TMEM25: variants seen among roughly 807,000 people sequenced by gnomAD.
TMEM25 encodes the protein 0610039J01Rik.
TMEM25 carries 36 observed loss-of-function variants against 37.0 expected under a neutral mutation model. That is an observed-to-expected ratio of 0.97 (90% CI 0.75 to 1.28). The LOEUF is 1.28. TMEM25 is among the 50% of genes most tolerant of loss of function. The pLI is 0.00. For missense variants in TMEM25, 444 were observed against 477.9 expected, an observed-to-expected ratio of 0.93 and a Z score of 0.66; for synonymous variants, 197 against 203.7, an observed-to-expected ratio of 0.97 and a Z score of 0.28.
At position 118,544,962 on chromosome 11, in the gene TMEM25, T is replaced by C. The variant is rs376402259; in HGVS notation, c.1028-1157T>C. The C allele has an allele frequency of 6.1e-5, 98 of 1,613,770 alleles. No individual in the cohort carries two copies. Among genetic ancestry groups the C allele is most frequent in the Non-Finnish European group, 7.7e-5 (91 of 1,179,922 alleles). On this transcript the variant is annotated intron_variant, in intron 8 of 8. Coordinates refer to the TMEM25 transcript ENST00000354284. ...CATGTCTCCAGCTTGGGAGGTGGAATTGGATGAAGGAGTGAATGCTTTCTT... is the reference window on the plus strand; with the variant it reads ...CATGTCTCCAGCTTGGGAGGTGGAACTGGATGAAGGAGTGAATGCTTTCTT...
intron 8 of TMEM25, chr11:118,545,292 G>A (rs782718690): frequency 8.9e-5 from 74 of 828,132 alleles, no homozygotes; most frequent in Admixed American, 1.3e-4. Context: ...AAAGGGCGAA[G>A]GTAACTGGGC....
chr11:118,541,200 T>C (rs963141224), intron 8 of TMEM25, among the ~76,000 whole-genome samples: 2 of 152,116 alleles, frequency 1.3e-5, no homozygotes, highest in South Asian at 2.1e-4. Context: ...CCGTGGCTCA[T>C]GCCTGTAATC....
intron 8 of TMEM25, chr11:118,545,607 G>A (rs1449090288): frequency 5.5e-6 from 6 of 1,091,170 alleles, no homozygotes; most frequent in Non-Finnish European, 8.3e-6. Flanking sequence ...ATGACTTTGG[G>A]GGTTAAATAC....
Position 118,535,179 on chromosome 11 carries a change from T to G in TMEM25, c.*599T>G, listed in dbSNP as rs1200498011. ...ACACGTCTCTGCCCTTCACTTCTTC[T>G]CTTCTGTCCCCACCTCCTCTTGGGA... On this transcript the variant is annotated 3_prime_UTR_variant, in exon 9 of 9. Transcript: ENST00000313236. 1 of 1,058,794 alleles carries G rather than the reference T, an allele frequency of 9.4e-7. No homozygotes were observed. Among genetic ancestry groups the G allele is most frequent in the Non-Finnish European group, 1.1e-6 (1 of 877,750 alleles). 65.6% of individuals were successfully genotyped at this position (1,058,794 alleles called of 1,614,324 possible). A position where few individuals can be genotyped will look rare whatever the true frequency, so the allele number is the denominator to read the frequency against.
chr11:118,533,607 G>C (rs1267318802), intron 5 of TMEM25, 56 bp downstream of exon 5: 4 of 1,611,278 alleles, frequency 2.5e-6, no homozygotes, highest in Non-Finnish European at 2.5e-6. Flanking sequence ...CAGCAGCCAA[G>C]ACAGCAAGTG....
At chr11:118,536,878 C>T (rs150460413), downstream of TMEM25, among the ~76,000 whole-genome samples, 53 of 152,194 alleles carry the variant, frequency 3.5e-4, no homozygotes, top group African/African-American at 9.6e-4. Context: ...ACAGAGAGAG[C>T]GCAAGAGAGC....
At chr11:118,545,837 G>A (rs1555066985) in intron 8 of TMEM25, 3 of 1,614,048 alleles carry the variant, frequency 1.9e-6, no homozygotes, top group Non-Finnish European at 2.5e-6. Context: ...ATCAATCTCT[G>A]CCGTGGGCAG....
Position 118,534,743 on chromosome 11 carries a change from T to G in TMEM25, c.*163T>G. 6.9e-7 allele frequency: 1 copy of G among 1,444,112 alleles called. No homozygotes were observed. Among genetic ancestry groups the G allele is most frequent in the Non-Finnish European group, 9.1e-7 (1 of 1,098,708 alleles). The allele number at this position is 1,444,112 out of a possible 1,614,324, so 89.5% of individuals were successfully genotyped here. A position where few individuals can be genotyped will look rare whatever the true frequency, so the allele number is the denominator to read the frequency against. On this transcript the variant is annotated 3_prime_UTR_variant, in exon 9 of 9. Transcript: ENST00000313236. The surrounding 1 kb of genome is among the most constrained non-coding windows in gnomAD (Gnocchi z 4.6). ...CCTCCATGTCATGCACGTGATGCAT[T>G]TCACTGGGCTGTAACCCGCAGGGGC... is the stretch of plus-strand genomic sequence containing the variant.
intron 8 of TMEM25, chr11:118,545,752 C>CT (rs782539903): frequency 7.0e-5 from 111 of 1,591,788 alleles, no homozygotes; most frequent in South Asian, 1.1e-5. Context: ...TAGAGTGTCT[C>CT]TATCCAGAGA....
At chr11:118,537,553 C>T (rs1481999033), downstream of TMEM25, among the ~76,000 whole-genome samples, 1 of 152,186 alleles carries the variant, frequency 6.6e-6, no homozygotes, top group Non-Finnish European at 1.5e-5. Flanking sequence ...TTTTGTTTAT[C>T]CCACATTTTC....
chr11:118,534,155 C>T lies in TMEM25; in HGVS notation c.937+26C>T. On this transcript the variant is annotated intron_variant, in intron 7 of 8. Coordinates refer to ENST00000313236, the MANE Select transcript of TMEM25 (RefSeq NM_032780.4). This position sits in a 1 kb window ranked among gnomAD's most constrained non-coding sequence, Gnocchi z 4.6. ...GTATATCTAGGGCCCTGCTCTTTGC[C>T]CCTGCTTAATCTCCAGAAGTGCTTC... 1 of 1,613,564 alleles carries T rather than the reference C, an allele frequency of 6.2e-7. No individual in the cohort carries two copies. The highest frequency in any genetic ancestry group is 8.5e-7 in the Non-Finnish European group (1 of 1,179,530).
At chr11:118,532,503 C>T in intron 3 of TMEM25, 42 bp downstream of exon 3, 2 of 1,565,290 alleles carry the variant, frequency 1.3e-6, no homozygotes, top group Non-Finnish European at 1.7e-6. Context: ...GTTCTTTGCC[C>T]AGGGACCCCC....
Position 118,532,449 on chromosome 11 carries a change from C to T in TMEM25, c.370C>T (p.Leu124Phe), listed in dbSNP as rs1555059666. ...CCGATCAGCCAACGCCTCTGTCATC[C>T]TTAATGTGCAATGTGAGTGGCCCTG... ...SGRSANASVI[L>F]NVQFKPEIAQ... The change falls in exon 3 of 9, where the codon CTT becomes TTT. Residue 124 changes from leucine to phenylalanine, a missense_variant. Coordinates refer to ENST00000313236, the MANE Select transcript of TMEM25 (RefSeq NM_032780.4). The T allele has an allele frequency of 6.2e-7, 1 of 1,612,118 alleles. No homozygotes were observed. The highest frequency in any genetic ancestry group is 1.1e-5 in the South Asian group (1 of 90,882).
chr11:118,532,760 C>A, intron 3 of TMEM25, 157 bp from the exon 4 acceptor site: 1 of 1,090,250 alleles, frequency 9.2e-7, no homozygotes, highest in Non-Finnish European at 1.3e-6. Context: ...CATAATCACT[C>A]CGAAATGCTG....
downstream of TMEM25, among the ~76,000 whole-genome samples, chr11:118,537,339 CA>C (rs565780757): frequency 8.7e-4 from 124 of 142,054 alleles, no homozygotes; most frequent in Middle Eastern, 3.6e-3. Context: ...AGACTCCGTC[CA>C]AAAAAAAAAA....
At position 118,534,571 on chromosome 11, in the gene TMEM25, C is replaced by T. The variant is rs369490411; in HGVS notation, c.1092C>T (p.Ile364=). The T allele has an allele frequency of 5.0e-6, 8 of 1,614,056 alleles. No homozygotes were observed. Among genetic ancestry groups the T allele is most frequent in the Non-Finnish European group, 6.8e-6 (8 of 1,180,012 alleles). ...YRVSSVSSDE[I]WL ...TGTCCAGCGTGAGCAGTGATGAGAT[C>T]TGGCTCTGAGCCGAGGGCGAGACAG... The change falls in exon 9 of 9, where the codon ATC becomes ATT. Residue 364 remains isoleucine (I), a synonymous_variant. Transcript: ENST00000313236. This position sits in a 1 kb window ranked among gnomAD's most constrained non-coding sequence, Gnocchi z 4.6.
Position 118,535,117 on chromosome 11 carries a change from A to T in TMEM25, c.*537A>T. The T allele has an allele frequency of 9.8e-7, 1 of 1,018,978 alleles. No individual in the cohort carries two copies. The highest frequency in any genetic ancestry group is 1.2e-6 in the Non-Finnish European group (1 of 851,638). The allele number at this position is 1,018,978 out of a possible 1,614,324, so 63.1% of individuals were successfully genotyped here. A position where few individuals can be genotyped will look rare whatever the true frequency, so the allele number is the denominator to read the frequency against. Reference sequence around the variant, plus strand: ...TTGCACAGAAACCAACCCCTGACCCAGCGGTACCGGCCAAGCACAAACGTC... The same window carrying T: ...TTGCACAGAAACCAACCCCTGACCCTGCGGTACCGGCCAAGCACAAACGTC... On this transcript the variant is annotated 3_prime_UTR_variant, in exon 9 of 9. Transcript: ENST00000313236.
rs782668188 is a variant in TMEM25, at chr11:118,534,536, A to G, written c.1057A>G (p.Ile353Val). ...CATCCGCCTCCCAGTGCTGGGCTAT[A>G]TCTATCGAGTGTCCAGCGTGAGCAG... ...GFIRLPVLGYIYRVSSVSSDE... is the reference protein window; with the variant it reads ...GFIRLPVLGYVYRVSSVSSDE... Residue 353 changes from isoleucine to valine, a missense_variant, in exon 9 of 9, where the codon ATC (isoleucine) becomes GTC (valine). Ile to Val is a conservative substitution (Grantham distance 29). Transcript: ENST00000313236. This position sits in a 1 kb window ranked among gnomAD's most constrained non-coding sequence, Gnocchi z 4.6. The G allele has an allele frequency of 6.8e-6, 11 of 1,614,044 alleles. No homozygotes were observed. The East Asian group carries it at 2.2e-4, about 33-fold the overall frequency.
chr11:118,531,592 T>C, intron 1 of TMEM25, 183 bp from the exon 2 acceptor site: 1 of 583,372 alleles, frequency 1.7e-6, no homozygotes, highest in Non-Finnish European at 3.1e-6. Flanking sequence ...GATGTCCATG[T>C]GTCTGCTGGG....
Sources: gnomAD v4.1 joint callset for allele counts (sites outside exome capture counted in the v4.1 genomes callset) on GRCh38, gnomAD v4.1.1 for gene constraint, Gnocchi (gnomAD v3.1) non-coding constraint, MANE v1.5 for transcripts, NCBI Gene and HGNC (gene_info 2026-07-23, HGNC 2026-07-21) for gene names.